Variants in ZNF236 observed in about 807,000 individuals in gnomAD.
ZNF236 encodes the protein regulated by glucose.
Under a neutral mutation model 191.2 loss-of-function variants are expected in ZNF236, and 50 were observed. The observed-to-expected ratio is 0.26, with a 90% CI of 0.21 to 0.33. ZNF236 has a LOEUF of 0.33. ZNF236 is among the 10% of genes least tolerant of loss of function. ZNF236 has a pLI of 1.00. For missense variants in ZNF236, 1,754 were observed against 2,374.5 expected (o/e 0.74, Z 5.43); for synonymous variants, 907 against 928.8 (o/e 0.98, Z 0.43).
rs549509729 is a variant in ZNF236, at chr18:76,913,687, C to G, written c.2910-60C>G. ...TTTGCTTTTCTTCCCTTTTCAGGTG[C>G]TGTATTTGTAATTGTGCTATGAATT... is the stretch of plus-strand genomic sequence containing the variant. On this transcript the variant is annotated intron_variant, in intron 17 of 30. Coordinates refer to ENST00000320610, the MANE Select transcript of ZNF236 (RefSeq NM_001306089.2). 130 of 1,560,472 alleles carry G rather than the reference C, an allele frequency of 8.3e-5. 1 individual carries two copies. In the South Asian group the frequency reaches 1.5e-3, roughly 18 times the overall value.
intron 18 of ZNF236, among the ~76,000 whole-genome samples, chr18:76,915,419 C>CT (rs1967330281): frequency 1.3e-5 from 2 of 152,064 alleles, no homozygotes; most frequent in African/African-American, 2.4e-5. Context: ...CCTATGTCAA[C>CT]TTCCATGTTC....
At chr18:76,883,105 C>G (rs1302286212) in intron 9 of ZNF236, among the ~76,000 whole-genome samples, 1 of 152,158 alleles carries the variant, frequency 6.6e-6, no homozygotes, top group East Asian at 1.9e-4. Context: ...CCTTCCAGAC[C>G]TTCACCCGCA....
intron 25 of ZNF236, among the ~76,000 whole-genome samples, chr18:76,931,395 AT>A (rs1474431920): frequency 6.6e-6 from 1 of 152,212 alleles, no homozygotes; most frequent in African/African-American, 2.4e-5. Flanking sequence ...CTTATGTCTA[AT>A]TCTAGGATAC....
intron 13 of ZNF236, 79 bp downstream of exon 13, chr18:76,905,494 T>C: frequency 2.8e-6 from 4 of 1,431,196 alleles, no homozygotes; most frequent in South Asian, 2.7e-5. Flanking sequence ...TAGGAAATAA[T>C]TGTCTTTGAT....
Position 76,957,654 on chromosome 18 carries a change from C to T in ZNF236, c.5112+1472C>T, listed in dbSNP as rs1260842821. ...TAAGCTAAGTAGCCAATAATTTTTCCTGCTCCTCTCCCTCCTCCCTCAAGG... is the reference window on the plus strand; with the variant it reads ...TAAGCTAAGTAGCCAATAATTTTTCTTGCTCCTCTCCCTCCTCCCTCAAGG... On this transcript the variant is annotated intron_variant, in intron 28 of 30. Coordinates refer to ENST00000320610, the MANE Select transcript of ZNF236 (RefSeq NM_001306089.2). 2.0e-5 allele frequency among the ~76,000 whole-genome samples: 3 copies of T among 152,228 alleles called. No individual in the cohort carries two copies. The East Asian group carries it at 5.8e-4, about 29-fold the overall frequency.
chr18:76,906,755 G>A (rs2122749231), intron 13 of ZNF236, among the ~76,000 whole-genome samples: 1 of 152,312 alleles, frequency 6.6e-6, no homozygotes, highest in South Asian at 2.1e-4. Flanking sequence ...GGAGATGAAT[G>A]TAGAGCTTTG....
chr18:76,956,259 C>T lies in ZNF236; in HGVS notation c.5112+77C>T, dbSNP rs918893949. The T allele has an allele frequency of 2.0e-6, 3 of 1,492,816 alleles. No homozygotes were observed. In the East Asian group the frequency reaches 7.4e-5, roughly 37 times the overall value. The allele number at this position is 1,492,816 out of a possible 1,614,324, so 92.5% of individuals were successfully genotyped here. A position where few individuals can be genotyped will look rare whatever the true frequency, so the allele number is the denominator to read the frequency against. On this transcript the variant is annotated intron_variant, in intron 28 of 30. Coordinates refer to ENST00000320610, the MANE Select transcript of ZNF236 (RefSeq NM_001306089.2). ...TGCGGAGTCCAAGATTTAACACTGGCCGGGAATCTGGCATGTGTTTTTGAG... is the reference window on the plus strand; with the variant it reads ...TGCGGAGTCCAAGATTTAACACTGGTCGGGAATCTGGCATGTGTTTTTGAG...
intron 10 of ZNF236, 94 bp downstream of exon 10, chr18:76,895,379 A>G (rs1329745635): frequency 1.3e-6 from 2 of 1,498,622 alleles, no homozygotes; most frequent in Non-Finnish European, 1.8e-6. Context: ...GGCACACAGT[A>G]GGCACACAGG....
intron 3 of ZNF236, among the ~76,000 whole-genome samples, chr18:76,865,107 C>T (rs144660429): frequency 3.7e-4 from 56 of 152,216 alleles, no homozygotes; most frequent in Non-Finnish European, 6.2e-4. Context: ...GAGGCCGAGG[C>T]GGGCAGATCA....
chr18:76,915,893 C>T, intron 19 of ZNF236, 34 bp downstream of exon 19: 1 of 1,584,250 alleles, frequency 6.3e-7, no homozygotes, highest in Non-Finnish European at 8.7e-7. Flanking sequence ...GGTGTATTAA[C>T]CCGATGCTAA....
At position 76,868,712 on chromosome 18, in the gene ZNF236, G is replaced by C. The variant is rs1976494316; in HGVS notation, c.391G>C (p.Glu131Gln). The change falls in exon 4 of 31, where the codon GAG (glutamate) becomes CAG (glutamine). Residue 131 changes from glutamate (E) to glutamine (Q), a missense_variant. Physicochemically the swap from Glu to Gln is conservative, Grantham distance 29 (BLOSUM62 2). Coordinates refer to ENST00000320610, the MANE Select transcript of ZNF236 (RefSeq NM_001306089.2). Reference protein sequence around the residue: ...ENLICSECGDEFTLQSQLAVH... With the variant: ...ENLICSECGDQFTLQSQLAVH... Reference sequence around the variant, plus strand: ...TCTCATCTGTTCTGAGTGTGGGGATGAGTTTACTCTGCAGAGTCAGCTGGC... The same window carrying C: ...TCTCATCTGTTCTGAGTGTGGGGATCAGTTTACTCTGCAGAGTCAGCTGGC... 1 of 1,613,156 alleles carries C rather than the reference G, an allele frequency of 6.2e-7. No individual in the cohort carries two copies. The highest frequency in any genetic ancestry group is 1.3e-5 in the African/African-American group (1 of 75,046).
At chr18:76,859,143 G>A (rs1976135130) in intron 3 of ZNF236, among the ~76,000 whole-genome samples, 1 of 73,268 alleles carries the variant, frequency 1.4e-5, no homozygotes, top group African/African-American at 5.6e-5. Flanking sequence ...GAGGAGGAAG[G>A]GGGAGAGGGC....
At chr18:76,890,312 T>C (rs1293081160) in intron 9 of ZNF236, among the ~76,000 whole-genome samples, 4 of 152,186 alleles carry the variant, frequency 2.6e-5, no homozygotes, top group African/African-American at 9.6e-5. Flanking sequence ...TTTCCTAAAA[T>C]CAAGGACATC....
In ZNF236 at chr18:76,956,123, G is replaced by A. The variant is rs1200833287; in HGVS notation, c.5053G>A (p.Glu1685Lys). 1.4e-5 allele frequency: 22 copies of A among 1,575,452 alleles called. No individual in the cohort carries two copies. The highest frequency in any genetic ancestry group is 1.8e-5 in the Non-Finnish European group (21 of 1,161,524). Residue 1685 changes from glutamate to lysine, a missense_variant, in exon 28 of 31, where the codon GAG becomes AAG. By Grantham distance (56) the Glu-to-Lys change is moderately conservative (BLOSUM62 1). Coordinates refer to ENST00000320610, the MANE Select transcript of ZNF236 (RefSeq NM_001306089.2). ...CCACAGCAAGGAGGTGCATGGCCGG[G>A]AGCGCATCCACGGCTGCCCCGTGTG... ...MHHSKEVHGRERIHGCPVCRK... is the reference protein window; with the variant it reads ...MHHSKEVHGRKRIHGCPVCRK...
chr18:76,895,593 C>G (rs1269387190), intron 10 of ZNF236, among the ~76,000 whole-genome samples: 1 of 151,730 alleles, frequency 6.6e-6, no homozygotes. Context: ...GGACTGCACA[C>G]AGTACTGCAC....
At chr18:76,852,837 A>G (rs1464930449) in intron 3 of ZNF236, among the ~76,000 whole-genome samples, 1 of 152,204 alleles carries the variant, frequency 6.6e-6, no homozygotes, top group Non-Finnish European at 1.5e-5. Flanking sequence ...CCCTGACTGA[A>G]GATGGTTTAG....
chr18:76,949,355 A>T (rs1968348713), intron 27 of ZNF236, among the ~76,000 whole-genome samples: 2 of 152,214 alleles, frequency 1.3e-5, no homozygotes, highest in Non-Finnish European at 2.9e-5. Context: ...CTGAAGTGAT[A>T]TATTCCGTTT....
At chr18:76,964,278 C>T (rs28839239) in intron 30 of ZNF236, among the ~76,000 whole-genome samples, 5,350 of 152,160 alleles carry the variant, frequency 0.035, 322 homozygotes, top group African/African-American at 0.12. Context: ...TTGTTCAGTT[C>T]GAATAATTTT....
intron 2 of ZNF236, among the ~76,000 whole-genome samples, chr18:76,850,864 A>G (rs561642557): frequency 6.6e-6 from 1 of 151,820 alleles, no homozygotes; most frequent in South Asian, 2.1e-4. Flanking sequence ...TCAGCCTCCC[A>G]AAGTGCTGGG....
Sources: gnomAD v4.1 joint callset for allele counts (sites outside exome capture counted in the v4.1 genomes callset) on GRCh38, gnomAD v4.1.1 for gene constraint, MANE v1.5 for transcripts, NCBI Gene and HGNC (gene_info 2026-07-23, HGNC 2026-07-21) for gene names.